Variants in PRDM16 observed in about 807,000 individuals in gnomAD.
PRDM16 encodes histone-lysine N-methyltransferase PRDM16.
In PRDM16, 23 loss-of-function variants were observed where a neutral mutation model predicts 110.6. The observed-to-expected ratio is 0.21, with a 90% CI of 0.15 to 0.29. The LOEUF is 0.29. Among genes scored for constraint, PRDM16 ranks in the 10% least tolerant of loss-of-function variants. The probability of loss-of-function intolerance (pLI) is 1.00; values close to 1 mark genes in which losing one functional copy is unlikely to be tolerated. For synonymous variants in PRDM16, 799 were observed against 781.8 expected, an observed-to-expected ratio of 1.02 and a Z score of -0.37; for missense variants, 1,615 against 1,794.3, an observed-to-expected ratio of 0.90 and a Z score of 1.81.
chr1:3,180,881 CT>C (rs1449028480), intron 1 of PRDM16, among the ~76,000 whole-genome samples: 1 of 151,400 alleles, frequency 6.6e-6, no homozygotes, highest in Non-Finnish European at 1.5e-5. Flanking sequence ...CACACGCAGT[CT>C]TACACACGGC....
intron 3 of PRDM16, among the ~76,000 whole-genome samples, chr1:3,330,115 T>G (rs1189212781): frequency 6.6e-6 from 1 of 152,186 alleles, no homozygotes; most frequent in Admixed American, 6.5e-5. Context: ...CTTTGAGACT[T>G]CTGGTCACCC....
intron 3 of PRDM16, among the ~76,000 whole-genome samples, chr1:3,259,134 CAGTA>C (rs1414838175): frequency 2.8e-4 from 43 of 152,318 alleles, no homozygotes; most frequent in African/African-American, 9.9e-4. Context: ...CAGGGATGAG[CAGTA>C]CCTCCGTCCC....
In PRDM16 at chr1:3,209,287, C is replaced by A. The variant is rs1466728994; in HGVS notation, c.387+22813C>A. On this transcript the variant is annotated intron_variant, in intron 2 of 16. Transcript: ENST00000270722. The surrounding 1 kb of genome is among the most constrained non-coding windows in gnomAD (Gnocchi z 4.6). The stretch of plus-strand genomic sequence containing the variant: ...CAGAGTGGGATTTACTAAGCACGGT[C>A]ACGCTGAACAGTAACTGTGGGCAGG... Among the ~76,000 whole-genome samples the A allele has an allele frequency of 6.6e-6, 1 of 152,236 alleles. No individual in the cohort carries two copies. The highest frequency in any genetic ancestry group is 6.5e-5 in the Admixed American group (1 of 15,286).
intron 4 of PRDM16, among the ~76,000 whole-genome samples, chr1:3,394,850 T>C: frequency 1.7e-5 from 1 of 57,894 alleles, no homozygotes; most frequent in South Asian, 1.3e-3. Flanking sequence ...ACTGTGTGAT[T>C]TTTTTTTTTG....
intron 3 of PRDM16, among the ~76,000 whole-genome samples, chr1:3,250,820 G>A (rs971546699): frequency 6.6e-6 from 1 of 152,178 alleles, no homozygotes; most frequent in Non-Finnish European, 1.5e-5. Context: ...AAGAGCCTGG[G>A]CTTCTCTCTG....
Position 3,244,446 on chromosome 1 carries a change from A to T in PRDM16, c.438+309A>T, listed in dbSNP as rs527289999. Among the ~76,000 whole-genome samples, 12 of 152,274 alleles carry T rather than the reference A, an allele frequency of 7.9e-5. No individual in the cohort carries two copies. The highest frequency in any genetic ancestry group is 2.4e-4 in the African/African-American group (10 of 41,558). Reference sequence around the variant, plus strand: ...TGGGAAAGCTTCAGGCCACGCAGACAGGAAAATTAAATAAACGCAGGTTGT... The same window carrying T: ...TGGGAAAGCTTCAGGCCACGCAGACTGGAAAATTAAATAAACGCAGGTTGT... On this transcript the variant is annotated intron_variant, in intron 3 of 16. Transcript: ENST00000270722. The surrounding 1 kb of genome is among the most constrained non-coding windows in gnomAD (Gnocchi z 4.1).
rs1381879585 is a variant in PRDM16, at chr1:3,390,186, C to T, written c.573+4900C>T. On this transcript the variant is annotated intron_variant, in intron 4 of 16. Coordinates refer to ENST00000270722, the MANE Select transcript of PRDM16 (RefSeq NM_022114.4). This position sits in a 1 kb window ranked among gnomAD's most constrained non-coding sequence, Gnocchi z 5.0. The stretch of plus-strand genomic sequence containing the variant: ...TGCGGGAGGCAGGGAGGAGCTGTCA[C>T]AGCCGGCGCTTTCTGTTTTTTGGTT... Among the ~76,000 whole-genome samples, 1 of 152,320 alleles carries T rather than the reference C, an allele frequency of 6.6e-6. No homozygotes were observed. The highest frequency in any genetic ancestry group is 2.1e-4 in the South Asian group (1 of 4,826).
intron 12 of PRDM16, among the ~76,000 whole-genome samples, chr1:3,421,926 AGGCAGGCAGACAGAC>A (rs1638443228): frequency 5.6e-5 from 3 of 53,814 alleles, no homozygotes; most frequent in African/African-American, 6.9e-5. Context: ...GAAGACAGAC[AGGCAGGCAGACAGAC>A]AGGCAGGCGG....
intron 2 of PRDM16, among the ~76,000 whole-genome samples, chr1:3,204,829 G>A (rs1638715210): frequency 6.6e-6 from 1 of 152,208 alleles, no homozygotes; most frequent in South Asian, 2.1e-4. Flanking sequence ...AAAATGGGCG[G>A]GCAGGCAGGA....
At chr1:3,270,181 G>A (rs982236739) in intron 3 of PRDM16, among the ~76,000 whole-genome samples, 1 of 147,224 alleles carries the variant, frequency 6.8e-6, no homozygotes, top group African/African-American at 2.5e-5. Flanking sequence ...CCTGGAGGAG[G>A]ACAGTCGGGG....
chr1:3,154,736 A>T (rs1421121373), intron 1 of PRDM16, among the ~76,000 whole-genome samples: 1 of 152,090 alleles, frequency 6.6e-6, no homozygotes, highest in Non-Finnish European at 1.5e-5. Context: ...ATGTGGGCTG[A>T]CCGCTGCTGA....
chr1:3,252,889 G>A (rs962834900), intron 3 of PRDM16, among the ~76,000 whole-genome samples: 4 of 152,162 alleles, frequency 2.6e-5, no homozygotes, highest in Admixed American at 6.5e-5. Context: ...GGTGGAGGCG[G>A]GAAGGAGGGT....
At chr1:3,381,980 G>A (rs1033689540) in intron 3 of PRDM16, among the ~76,000 whole-genome samples, 10 of 152,186 alleles carry the variant, frequency 6.6e-5, no homozygotes, top group African/African-American at 2.4e-4. Flanking sequence ...AGGGAGGGGG[G>A]GCCTCGTGGG....
chr1:3,158,597 A>G (rs1277996748), intron 1 of PRDM16, among the ~76,000 whole-genome samples: 1 of 152,136 alleles, frequency 6.6e-6, no homozygotes, highest in Non-Finnish European at 1.5e-5. Flanking sequence ...GGGCTCAACC[A>G]GCTGTTATGG....
intron 3 of PRDM16, among the ~76,000 whole-genome samples, chr1:3,251,544 C>T (rs1639932564): frequency 1.3e-5 from 2 of 152,136 alleles, no homozygotes; most frequent in African/African-American, 4.8e-5. Flanking sequence ...TATCATGGCA[C>T]CTGCAGGGGT....
chr1:3,260,429 A>G (rs1322289329), intron 3 of PRDM16, among the ~76,000 whole-genome samples: 1 of 152,156 alleles, frequency 6.6e-6, no homozygotes, highest in African/African-American at 2.4e-5. Flanking sequence ...CCTTTATCCT[A>G]CTGACACCTT....
chr1:3,400,473 C>T (rs1338262155), intron 5 of PRDM16, among the ~76,000 whole-genome samples: 1 of 152,156 alleles, frequency 6.6e-6, no homozygotes, highest in Non-Finnish European at 1.5e-5. Context: ...ATTTCTTGCC[C>T]ACCTCCTCCC....
chr1:3,409,869 GCA>G (rs1285629605), intron 8 of PRDM16, among the ~76,000 whole-genome samples: 148 of 144,136 alleles, frequency 1.0e-3, no homozygotes, highest in Middle Eastern at 3.8e-3. Flanking sequence ...GTGTTTGTGT[GCA>G]TGTGTGTGGT....
intron 1 of PRDM16, among the ~76,000 whole-genome samples, chr1:3,181,230 A>ACG (rs1644166426): frequency 7.9e-6 from 1 of 125,872 alleles, no homozygotes; most frequent in Non-Finnish European, 1.8e-5. Context: ...AGTCTTACAC[A>ACG]CGGTCTTACA....
Sources: gnomAD v4.1 joint callset for allele counts (sites outside exome capture counted in the v4.1 genomes callset) on GRCh38, gnomAD v4.1.1 for gene constraint, Gnocchi (gnomAD v3.1) non-coding constraint, MANE v1.5 for transcripts, NCBI Gene and HGNC (gene_info 2026-07-23, HGNC 2026-07-21) for gene names.